The following SEC23B variants were observed in gnomAD, a reference collection of about 807,000 sequenced individuals.
SEC23B encodes the protein SEC23 homolog B, COPII component.
A neutral mutation model predicts 104.3 loss-of-function variants in SEC23B; 77 were observed. The ratio of observed to expected loss-of-function variants is 0.74; its 90% CI spans 0.61 to 0.89. The LOEUF is 0.89. Among genes scored for constraint, SEC23B ranks in the 40% least tolerant of loss-of-function variants. SEC23B has a pLI of 0.00. For synonymous variants in SEC23B, 338 were observed against 332.5 expected (o/e 1.02, Z -0.18); for missense variants, 885 against 949.4 (o/e 0.93, Z 0.89).
At chr20:18,557,745 C>CTTTTTTTTTTT (rs11477198) in intron 19 of SEC23B, among the ~76,000 whole-genome samples, 251 of 116,698 alleles carry the variant, frequency 2.2e-3, no homozygotes, top group Non-Finnish European at 2.7e-3. Flanking sequence ...TTTTTCTTTT[C>CTTTTTTTTTTT]TTTTTTTTTT....
At chr20:18,542,076 G>A (rs570085997) in intron 12 of SEC23B, among the ~76,000 whole-genome samples, 119 of 152,316 alleles carry the variant, frequency 7.8e-4, no homozygotes, top group African/African-American at 2.8e-3. Context: ...TTCAGTAGGT[G>A]TATCATTAAC....
At chr20:18,554,109 T>G in intron 17 of SEC23B, 126 bp from the exon 18 acceptor site, 3 of 1,128,344 alleles carry the variant, frequency 2.7e-6, no homozygotes, top group Non-Finnish European at 3.9e-6. Flanking sequence ...CTCTGAAGCT[T>G]GTCATTTTTG....
rs930014762 is a variant in SEC23B, at chr20:18,555,235, A to C, written c.2214+62A>C. Reference sequence around the variant, plus strand: ...CTAGTTTTTTTTTAAACTTGTTTTAAAATTCTACAAATTGGATCTCTTTTG... The same window carrying C: ...CTAGTTTTTTTTTAAACTTGTTTTACAATTCTACAAATTGGATCTCTTTTG... On this transcript the variant is annotated intron_variant, in intron 19 of 19. Coordinates refer to ENST00000650089, the MANE Select transcript of SEC23B (RefSeq NM_006363.6). 3.8e-6 allele frequency: 5 copies of C among 1,323,008 alleles called. No individual in the cohort carries two copies. The African/African-American group carries it at 7.2e-5, about 19-fold the overall frequency. The allele number at this position is 1,323,008 out of a possible 1,614,324, so 82.0% of individuals were successfully genotyped here.
chr20:18,548,528 G>A (rs2060355470), intron 15 of SEC23B, 81 bp from the exon 16 acceptor site: 2 of 1,399,208 alleles, frequency 1.4e-6, no homozygotes, highest in Non-Finnish European at 2.0e-6. Context: ...CTATTTCAGA[G>A]CCCTGAGGTA....
At chr20:18,549,818 T>C (rs1362317230) in intron 16 of SEC23B, among the ~76,000 whole-genome samples, 4 of 151,688 alleles carry the variant, frequency 2.6e-5, no homozygotes, top group Non-Finnish European at 4.4e-5. Flanking sequence ...CCATCTCTAC[T>C]AAACATACAA....
chr20:18,548,761 G>GC lies in SEC23B; in HGVS notation c.1898dup (p.Pro634ThrfsTer8), dbSNP rs776552357. The GC allele has an allele frequency of 5.0e-6, 8 of 1,614,060 alleles. No individual in the cohort carries two copies. The highest frequency in any genetic ancestry group is 6.8e-6 in the Non-Finnish European group (8 of 1,179,998). On this transcript the variant is annotated frameshift_variant, in exon 16 of 20. Coordinates refer to ENST00000650089, the MANE Select transcript of SEC23B (RefSeq NM_006363.6). LOFTEE classifies it high-confidence loss of function. ...TTCTCTACTCTTACTCCTTTCATGG[G>GC]CCACCAGAGGTGAGGCTCTACCCAA... is the stretch of plus-strand genomic sequence containing the variant.
At chr20:18,530,654 CA>C in intron 9 of SEC23B, 25 bp from the exon 10 acceptor site, 1 of 1,610,858 alleles carries the variant, frequency 6.2e-7, no homozygotes, top group Non-Finnish European at 8.5e-7. Flanking sequence ...TCCTAATATT[CA>C]CTTGATTTTT....
intron 11 of SEC23B, among the ~76,000 whole-genome samples, chr20:18,533,147 A>G (rs1413186902): frequency 6.6e-6 from 1 of 152,230 alleles, no homozygotes; most frequent in Non-Finnish European, 1.5e-5. Context: ...TGTCTCACTC[A>G]GCTAATAACA....
intron 17 of SEC23B, among the ~76,000 whole-genome samples, chr20:18,552,862 A>G (rs905134562): frequency 6.6e-6 from 1 of 152,176 alleles, no homozygotes; most frequent in South Asian, 2.1e-4. Flanking sequence ...TATAGTTTCT[A>G]CATTGTATTA....
intron 17 of SEC23B, among the ~76,000 whole-genome samples, chr20:18,553,212 C>T (rs1308358582): frequency 3.3e-5 from 5 of 152,222 alleles, no homozygotes; most frequent in Non-Finnish European, 4.4e-5. Context: ...GTGCTGAACG[C>T]GAGTGTTCTT....
At chr20:18,525,344 G>T (rs1432118891) in intron 6 of SEC23B, among the ~76,000 whole-genome samples, 1 of 152,186 alleles carries the variant, frequency 6.6e-6, no homozygotes. Context: ...CCTAGACTGA[G>T]CTAACAAGCT....
chr20:18,531,132 A>G (rs1034811152), intron 10 of SEC23B, among the ~76,000 whole-genome samples: 2 of 152,196 alleles, frequency 1.3e-5, no homozygotes, highest in Non-Finnish European at 2.9e-5. Flanking sequence ...ATATTTATTT[A>G]TGTTCTAAGT....
intron 12 of SEC23B, 57 bp from the exon 13 acceptor site, chr20:18,542,237 CTG>C (rs2060293638): frequency 7.1e-7 from 1 of 1,415,226 alleles, no homozygotes; most frequent in South Asian, 1.1e-5. Flanking sequence ...ACAGTGGGCT[CTG>C]TGACCGTGTT....
chr20:18,543,483 A>G (rs1158071310), intron 14 of SEC23B, among the ~76,000 whole-genome samples: 2 of 152,114 alleles, frequency 1.3e-5, no homozygotes, highest in Non-Finnish European at 2.9e-5. Flanking sequence ...CTAAATCTGG[A>G]AAGTGGTTTT....
intron 4 of SEC23B, among the ~76,000 whole-genome samples, chr20:18,516,219 T>C (rs554545678): frequency 6.6e-6 from 1 of 151,572 alleles, no homozygotes; most frequent in Non-Finnish European, 1.5e-5. Flanking sequence ...TATTTATACA[T>C]TATTCTTCAC....
intron 14 of SEC23B, among the ~76,000 whole-genome samples, chr20:18,545,420 A>G (rs928395375): frequency 6.6e-6 from 1 of 152,220 alleles, no homozygotes; most frequent in African/African-American, 2.4e-5. Context: ...GCGGAAGGAC[A>G]CCAGATTTTG....
chr20:18,552,150 T>C (rs2060392481), intron 17 of SEC23B, among the ~76,000 whole-genome samples: 1 of 151,588 alleles, frequency 6.6e-6, no homozygotes, highest in African/African-American at 2.4e-5. Flanking sequence ...CTTCTTAAAT[T>C]GGTTATTGAT....
chr20:18,524,204 G>A (rs1400450396), intron 4 of SEC23B, among the ~76,000 whole-genome samples: 1 of 152,148 alleles, frequency 6.6e-6, no homozygotes, highest in African/African-American at 2.4e-5. Context: ...TAGCATGTAG[G>A]AAGTATTAAA....
At chr20:18,525,088 A>G in intron 6 of SEC23B, 68 bp downstream of exon 6, 1 of 1,301,936 alleles carries the variant, frequency 7.7e-7, no homozygotes, top group Non-Finnish European at 1.1e-6. Flanking sequence ...GGAGTAAGGG[A>G]AGAAAAATAT....
Sources: allele counts gnomAD v4.1 joint callset (sites outside exome capture counted in the v4.1 genomes callset), GRCh38; gene constraint gnomAD v4.1.1; transcripts MANE v1.5; gene names NCBI Gene and HGNC (gene_info 2026-07-23, HGNC 2026-07-21).